RALYL: variants seen among roughly 807,000 people sequenced by gnomAD.
RALYL encodes RALY RNA binding protein like.
Under a neutral mutation model 35.1 loss-of-function variants are expected in RALYL, and 29 were observed. That is an observed-to-expected ratio of 0.83 (90% CI 0.61 to 1.13). The LOEUF (loss-of-function observed/expected upper bound fraction) is 1.13. Ranked by LOEUF, RALYL falls within the 50% of genes most tolerant of loss-of-function variation. The probability of loss-of-function intolerance (pLI) is 0.00; values close to 1 mark genes in which losing one functional copy is unlikely to be tolerated. For missense variants in RALYL, 359 were observed against 360.4 expected, an observed-to-expected ratio of 1.00 and a Z score of 0.03; for synonymous variants, 120 against 127.6, an observed-to-expected ratio of 0.94 and a Z score of 0.40.
Position 84,206,247 on chromosome 8 carries a change from G to A in RALYL, c.-24+21823G>A, listed in dbSNP as rs564660015. Among the ~76,000 whole-genome samples the A allele has an allele frequency of 2.6e-5, 4 of 152,250 alleles. No homozygotes were observed. The South Asian group carries it at 8.3e-4, about 32-fold the overall frequency. On this transcript the variant is annotated intron_variant, in intron 1 of 8. Transcript: ENST00000521268. ...TATAGATCACAGTTCTGGTTTTCAAGTAGTTTACCATTCTATGTGGGACCA... is the reference window on the plus strand; with the variant it reads ...TATAGATCACAGTTCTGGTTTTCAAATAGTTTACCATTCTATGTGGGACCA...
At chr8:84,665,198 G>A (rs1831751677) in intron 2 of RALYL, among the ~76,000 whole-genome samples, 1 of 152,032 alleles carries the variant, frequency 6.6e-6, no homozygotes, top group African/African-American at 2.4e-5. Context: ...GCTTTTTGAT[G>A]TGTGGCTGGA....
intron 2 of RALYL, among the ~76,000 whole-genome samples, chr8:84,622,626 G>A (rs973266915): frequency 2.0e-5 from 3 of 152,138 alleles, no homozygotes; most frequent in Non-Finnish European, 4.4e-5. Context: ...TTCCAGGGAA[G>A]TCTCTCTCAG....
intron 2 of RALYL, among the ~76,000 whole-genome samples, chr8:84,535,319 G>A (rs2059523784): frequency 6.6e-6 from 1 of 152,098 alleles, no homozygotes; most frequent in South Asian, 2.1e-4. Context: ...TCAGCAGAGT[G>A]ATCATCAACT....
rs1822027825 is a variant in RALYL, at chr8:84,796,803, G to GCAAT, written c.333-7964_333-7961dup. Among the ~76,000 whole-genome samples, 4 of 152,162 alleles carry GCAAT rather than the reference G, an allele frequency of 2.6e-5. No individual in the cohort carries two copies. In the South Asian group the frequency reaches 8.3e-4, roughly 32 times the overall value. On this transcript the variant is annotated intron_variant, in intron 3 of 8. Coordinates refer to ENST00000521268, the MANE Select transcript of RALYL (RefSeq NM_173848.7). ...TGCTAAATTATTGCATAAACAACAA[G>GCAAT]CAATCAGTTAGCTAAGGAATAACTT...
intron 2 of RALYL, among the ~76,000 whole-genome samples, chr8:84,571,202 G>T (rs977710639): frequency 6.6e-6 from 1 of 151,694 alleles, no homozygotes; most frequent in African/African-American, 2.4e-5. Flanking sequence ...ACTCTTCCTT[G>T]TATGTTTGGT....
intron 1 of RALYL, among the ~76,000 whole-genome samples, chr8:84,469,596 G>C (rs1182338800): frequency 6.6e-6 from 1 of 152,166 alleles, no homozygotes; most frequent in Admixed American, 6.5e-5. Flanking sequence ...CTGTCTTTTT[G>C]TTTGTGCCCT....
intron 2 of RALYL, among the ~76,000 whole-genome samples, chr8:84,579,679 G>T (rs1485023291): frequency 6.6e-6 from 1 of 152,126 alleles, no homozygotes; most frequent in African/African-American, 2.4e-5. Flanking sequence ...AGTTACTTGG[G>T]TTATATAAAT....
intron 1 of RALYL, among the ~76,000 whole-genome samples, chr8:84,417,110 GAACA>G (rs549061975): frequency 0.024 from 3,493 of 144,052 alleles, 134 homozygotes; most frequent in African/African-American, 0.085. Flanking sequence ...GCAGGAATTA[GAACA>G]AAAAAAAAAA....
intron 7 of RALYL, among the ~76,000 whole-genome samples, chr8:84,876,206 G>A (rs546030876): frequency 6.6e-6 from 1 of 152,160 alleles, no homozygotes; most frequent in Admixed American, 6.5e-5. Flanking sequence ...TTATGTACTG[G>A]GCACAACTTA....
intron 3 of RALYL, among the ~76,000 whole-genome samples, chr8:84,789,068 A>G (rs1422031581): frequency 6.6e-6 from 1 of 152,186 alleles, no homozygotes; most frequent in East Asian, 1.9e-4. Flanking sequence ...GTAACGGAAT[A>G]AAGTCCAGGT....
In RALYL at chr8:84,462,136, T is replaced by C. The variant is rs140907391; in HGVS notation, c.-23-67163T>C. On this transcript the variant is annotated intron_variant, in intron 1 of 8. Coordinates refer to ENST00000521268, the MANE Select transcript of RALYL (RefSeq NM_173848.7). ...CAGTTTTTTTTTTATTTTTATTTTT[T>C]TTTATTTTAGCCATTCTAAGGTGTG... Among the ~76,000 whole-genome samples the C allele has an allele frequency of 2.3e-3, 345 of 151,774 alleles. 3 individuals carry two copies. Among genetic ancestry groups the C allele is most frequent in the African/African-American group, 7.4e-3 (305 of 41,494 alleles).
At chr8:84,875,011 T>A (rs1840863187) in intron 7 of RALYL, among the ~76,000 whole-genome samples, 1 of 151,346 alleles carries the variant, frequency 6.6e-6, no homozygotes, top group African/African-American at 2.4e-5. Context: ...AATGATAGAC[T>A]AAATGGAATC....
chr8:84,596,781 T>G (rs1449222118), intron 2 of RALYL, among the ~76,000 whole-genome samples: 1 of 152,182 alleles, frequency 6.6e-6, no homozygotes, highest in Non-Finnish European at 1.5e-5. Flanking sequence ...AGCAAATTCC[T>G]GGGTTTACAA....
chr8:84,199,866 G>A (rs535629593), intron 1 of RALYL, among the ~76,000 whole-genome samples: 13 of 152,098 alleles, frequency 8.5e-5, no homozygotes, highest in Non-Finnish European at 1.6e-4. Context: ...TTTAATCTCA[G>A]AGGTGAAGTG....
At chr8:84,706,492 C>A (rs1841239741) in intron 2 of RALYL, among the ~76,000 whole-genome samples, 1 of 152,084 alleles carries the variant, frequency 6.6e-6, no homozygotes, top group African/African-American at 2.4e-5. Context: ...GAGTAGAAAG[C>A]AGTTCAGAAT....
At chr8:84,734,488 G>A (rs992374284) in intron 2 of RALYL, among the ~76,000 whole-genome samples, 1 of 151,724 alleles carries the variant, frequency 6.6e-6, no homozygotes, top group African/African-American at 2.4e-5. Context: ...TTGTATTTTG[G>A]GTCTTGGAAT....
intron 1 of RALYL, among the ~76,000 whole-genome samples, chr8:84,417,286 T>C (rs1320312488): frequency 2.6e-5 from 4 of 152,116 alleles, no homozygotes; most frequent in Admixed American, 6.6e-5. Context: ...GAGTCAGTTT[T>C]TTCTGATTCT....
At chr8:84,441,332 T>C (rs915029139) in intron 1 of RALYL, among the ~76,000 whole-genome samples, 8 of 152,084 alleles carry the variant, frequency 5.3e-5, no homozygotes, top group Non-Finnish European at 1.0e-4. Context: ...TCATAATTTG[T>C]CAAAGGCACT....
At chr8:84,501,579 C>T (rs1419118050) in intron 1 of RALYL, among the ~76,000 whole-genome samples, 3 of 151,878 alleles carry the variant, frequency 2.0e-5, no homozygotes, top group Non-Finnish European at 4.4e-5. Context: ...TTGTAGCAGA[C>T]AGCTGGTAAA....
Sources: allele counts gnomAD v4.1 joint callset (sites outside exome capture counted in the v4.1 genomes callset), GRCh38; gene constraint gnomAD v4.1.1; transcripts MANE v1.5; gene names NCBI Gene and HGNC (gene_info 2026-07-23, HGNC 2026-07-21).